FAM110B: variants seen among roughly 807,000 people sequenced by gnomAD.
FAM110B encodes protein FAM110B.
A neutral mutation model predicts 20.4 loss-of-function variants in FAM110B; 6 were observed. That is an observed-to-expected ratio of 0.29 (90% CI 0.16 to 0.58). FAM110B has a LOEUF of 0.58. Among genes scored for constraint, FAM110B ranks in the 20% least tolerant of loss-of-function variants. The probability of loss-of-function intolerance (pLI) is 0.90; values close to 1 mark genes in which losing one functional copy is unlikely to be tolerated. For synonymous variants in FAM110B, 226 were observed against 214.1 expected (o/e 1.06, Z -0.49); for missense variants, 434 against 498.2 (o/e 0.87, Z 1.23).
intron 3 of FAM110B, among the ~76,000 whole-genome samples, chr8:58,109,230 A>G (rs1426749737): frequency 6.6e-6 from 1 of 152,208 alleles, no homozygotes; most frequent in African/African-American, 2.4e-5. Flanking sequence ...ATAAATGTTT[A>G]TCTTGCAGGA....
rs749822917 is a variant in FAM110B, at chr8:58,068,632, G to A, written c.-413-6903G>A. ...AAAAAACTACAGAAAAGGGAAGTTT[G>A]CATTTTATCTTTGATCTTTGGAATG... is the stretch of plus-strand genomic sequence containing the variant. On this transcript the variant is annotated intron_variant, in intron 2 of 3. Coordinates refer to ENST00000519262, the MANE Select transcript of FAM110B (RefSeq NM_001377989.1). Among the ~76,000 whole-genome samples the A allele has an allele frequency of 3.9e-4, 59 of 151,716 alleles. 1 individual carries two copies. Among genetic ancestry groups the A allele is most frequent in the Admixed American group, 2.0e-4 (3 of 15,222 alleles).
chr8:58,030,325 G>T (rs1218362144), intron 1 of FAM110B, among the ~76,000 whole-genome samples: 1 of 152,132 alleles, frequency 6.6e-6, no homozygotes, highest in African/African-American at 2.4e-5. Flanking sequence ...GTTGAACCTT[G>T]TTAGGTAATG....
chr8:58,121,816 A>G (rs904582212), intron 3 of FAM110B, among the ~76,000 whole-genome samples: 5 of 152,160 alleles, frequency 3.3e-5, no homozygotes, highest in African/African-American at 1.2e-4. Flanking sequence ...TCTTTCCTGT[A>G]TCTCTATTCC....
At chr8:58,035,418 G>A (rs1182783673) in intron 2 of FAM110B, among the ~76,000 whole-genome samples, 4 of 152,146 alleles carry the variant, frequency 2.6e-5, no homozygotes, top group Admixed American at 2.6e-4. Flanking sequence ...GTATATTAGA[G>A]AATTTTCTTA....
chr8:58,113,573 AT>A, intron 3 of FAM110B: 1 of 175,824 alleles, frequency 5.7e-6, no homozygotes, highest in Non-Finnish European at 1.3e-5. Context: ...TTGAAATGCC[AT>A]TTTGTGGTTC....
At chr8:58,036,229 G>A (rs1192730463) in intron 2 of FAM110B, among the ~76,000 whole-genome samples, 1 of 152,192 alleles carries the variant, frequency 6.6e-6, no homozygotes, top group African/African-American at 2.4e-5. Context: ...AATTTGGGAT[G>A]AAAACATTCT....
chr8:58,051,010 C>T (rs1229246644), intron 2 of FAM110B, among the ~76,000 whole-genome samples: 2 of 152,160 alleles, frequency 1.3e-5, no homozygotes, highest in East Asian at 3.8e-4. Flanking sequence ...TACTGTGTTT[C>T]TATGGGAAAG....
intron 3 of FAM110B, among the ~76,000 whole-genome samples, chr8:58,127,200 C>G (rs538322717): frequency 1.3e-5 from 2 of 152,308 alleles, no homozygotes; most frequent in Admixed American, 6.5e-5. Context: ...TGTCAAAAAT[C>G]AGTTGGCTTA....
intron 2 of FAM110B, among the ~76,000 whole-genome samples, chr8:58,049,819 A>G (rs2150580328): frequency 6.6e-6 from 1 of 152,338 alleles, no homozygotes; most frequent in South Asian, 2.1e-4. Flanking sequence ...AGCAATGGGA[A>G]AAACATCCTC....
At chr8:58,135,637 T>C (rs1803593117) in intron 3 of FAM110B, among the ~76,000 whole-genome samples, 1 of 152,178 alleles carries the variant, frequency 6.6e-6, no homozygotes. Flanking sequence ...TGCCCTAGAG[T>C]ACAAGTTTAC....
At chr8:58,138,626 A>G (rs866830746) in intron 3 of FAM110B, among the ~76,000 whole-genome samples, 12 of 152,180 alleles carry the variant, frequency 7.9e-5, no homozygotes, top group Non-Finnish European at 1.3e-4. Context: ...AGGCAAAGCT[A>G]TTCCCATTCC....
chr8:58,075,269 T>TG (rs1554521049), intron 2 of FAM110B, among the ~76,000 whole-genome samples: 22 of 122,364 alleles, frequency 1.8e-4, no homozygotes, highest in Middle Eastern at 3.6e-3. Flanking sequence ...TTGCTTTTTT[T>TG]TTTTTTTGTG....
chr8:58,043,821 A>T (rs1805266591), intron 2 of FAM110B, among the ~76,000 whole-genome samples: 1 of 152,192 alleles, frequency 6.6e-6, no homozygotes, highest in African/African-American at 2.4e-5. Context: ...ATGCCATTTT[A>T]TAGATGAGGA....
At chr8:58,076,939 G>C (rs565293846) in intron 3 of FAM110B, among the ~76,000 whole-genome samples, 1 of 152,156 alleles carries the variant, frequency 6.6e-6, no homozygotes, top group African/African-American at 2.4e-5. Flanking sequence ...GGATGTTGTC[G>C]GGTGATATGA....
intron 3 of FAM110B, among the ~76,000 whole-genome samples, chr8:58,127,079 A>C (rs905748777): frequency 6.6e-6 from 1 of 152,224 alleles, no homozygotes; most frequent in Non-Finnish European, 1.5e-5. Context: ...ATAAGGTATG[A>C]GATAAAAGGT....
Position 58,146,969 on chromosome 8 carries a change from G to A in FAM110B, c.739G>A (p.Ala247Thr). The A allele has an allele frequency of 6.2e-7, 1 of 1,614,214 alleles. No homozygotes were observed. The highest frequency in any genetic ancestry group is 8.5e-7 in the Non-Finnish European group (1 of 1,180,042). Residue 247 changes from alanine (A) to threonine (T), a missense_variant, in exon 4 of 4, where the codon GCT becomes ACT. Physicochemically the swap from Ala to Thr is moderately conservative, Grantham distance 58. Around this residue, in one of 3 missense-constraint regions of FAM110B, gnomAD observed 284 missense variants for 278.3 expected, o/e 1.02. Transcript: ENST00000519262. ...CCCCGAGGCCGACCCTGTGGAACCA[G>A]CTTGTGGAGTCAGCCGAAGACCCTC... ...KSPEADPVEP[A>T]CGVSRRPSLQ...
chr8:58,061,775 T>C (rs1167316290), intron 2 of FAM110B, among the ~76,000 whole-genome samples: 1 of 152,206 alleles, frequency 6.6e-6, no homozygotes, highest in Non-Finnish European at 1.5e-5. Context: ...ATACTGTGCT[T>C]AGAAAAGGTG....
intron 3 of FAM110B, among the ~76,000 whole-genome samples, chr8:58,098,339 G>A (rs1806687085): frequency 6.6e-6 from 1 of 152,220 alleles, no homozygotes; most frequent in Non-Finnish European, 1.5e-5. Context: ...CTTTGTTTAT[G>A]CTGTGAGGGG....
At chr8:58,130,281 T>C (rs562162174) in intron 3 of FAM110B, among the ~76,000 whole-genome samples, 2 of 152,304 alleles carry the variant, frequency 1.3e-5, no homozygotes, top group Admixed American at 1.3e-4. Flanking sequence ...GATAATGTTT[T>C]CTCCAGTTCG....
Sources: allele counts gnomAD v4.1 joint callset (sites outside exome capture counted in the v4.1 genomes callset), GRCh38; gene constraint gnomAD v4.1.1; regional missense constraint gnomAD v4.1.1; transcripts MANE v1.5; gene names NCBI Gene and HGNC (gene_info 2026-07-23, HGNC 2026-07-21).